Variants in UNC5D observed in about 807,000 individuals in gnomAD.
The protein encoded by UNC5D is unc-5 netrin receptor D.
UNC5D carries 39 observed loss-of-function variants against 105.4 expected under a neutral mutation model. The observed-to-expected ratio is 0.37, with a 90% confidence interval of 0.29 to 0.48. The LOEUF (loss-of-function observed/expected upper bound fraction) is 0.48. Among genes scored for constraint, UNC5D ranks in the 20% least tolerant of loss-of-function variants. UNC5D has a pLI of 0.98. For synonymous variants in UNC5D, 452 were observed against 450.4 expected (o/e 1.00, Z -0.04); for missense variants, 991 against 1,202.4 (o/e 0.82, Z 2.60).
intron 1 of UNC5D, among the ~76,000 whole-genome samples, chr8:35,365,822 G>A (rs1802089263): frequency 6.6e-6 from 1 of 152,036 alleles, no homozygotes; most frequent in Non-Finnish European, 1.5e-5. Flanking sequence ...TGCTTTGAGT[G>A]CATCTTATTA....
rs76614532 is a variant in UNC5D at position 35,281,142 on chromosome 8, C to T, written c.103+45255C>T. On this transcript the variant is annotated intron_variant, in intron 1 of 16. Transcript: ENST00000404895. ...TCACATTTCTGTGTATCCGTCTCCCCGTGGGCAAACTCCTCTCTATACTGA... is the reference window on the plus strand; with the variant it reads ...TCACATTTCTGTGTATCCGTCTCCCTGTGGGCAAACTCCTCTCTATACTGA... Among the ~76,000 whole-genome samples the T allele has an allele frequency of 3.8e-3, 573 of 152,228 alleles. 5 individuals carry two copies. Among genetic ancestry groups the T allele is most frequent in the African/African-American group, 0.014 (561 of 41,548 alleles).
At chr8:35,539,306 C>A (rs912707375) in intron 1 of UNC5D, among the ~76,000 whole-genome samples, 1 of 151,940 alleles carries the variant, frequency 6.6e-6, no homozygotes, top group Non-Finnish European at 1.5e-5. Flanking sequence ...TTAGTATAAA[C>A]CATAATTTTC....
At position 35,684,556 on chromosome 8, in the gene UNC5D, C is replaced by T. The variant is rs1433016825; in HGVS notation, c.752-26C>T. On this transcript the variant is annotated intron_variant, in intron 5 of 16. Transcript: ENST00000404895. ...CAGTAAAAACCTCTCTCCTTTTTTT[C>T]TCCCCTCCCCATTTTTCTCTCTCAG... is the stretch of plus-strand genomic sequence containing the variant. 15 of 1,594,946 alleles carry T rather than the reference C, an allele frequency of 9.4e-6. No homozygotes were observed. The Admixed American group carries it at 1.3e-4, about 13-fold the overall frequency.
rs1186085025 is a variant in UNC5D, at chr8:35,594,311, T to C, written c.467-1243T>C. 3.3e-5 allele frequency among the ~76,000 whole-genome samples: 5 copies of C among 152,242 alleles called. No individual in the cohort carries two copies. The East Asian group carries it at 7.7e-4, about 23-fold the overall frequency. ...CATGGCTTGCCGTGCTTGTTATTCA[T>C]TGAGTGTTTTTGACTTGCTAAAGGC... is the stretch of plus-strand genomic sequence containing the variant. On this transcript the variant is annotated intron_variant, in intron 3 of 16. Transcript: ENST00000404895.
chr8:35,239,930 CTCTTTTCTTT>C (rs755482493), intron 1 of UNC5D, among the ~76,000 whole-genome samples: 37 of 147,430 alleles, frequency 2.5e-4, no homozygotes, highest in Non-Finnish European at 4.4e-4. Flanking sequence ...TTTCTCTTTT[CTCTTTTCTTT>C]TCTTTTCTTT....
At chr8:35,701,369 T>C (rs1449755504) in intron 7 of UNC5D, among the ~76,000 whole-genome samples, 1 of 152,206 alleles carries the variant, frequency 6.6e-6, no homozygotes, top group Non-Finnish European at 1.5e-5. Flanking sequence ...TGAACCCTTC[T>C]GTCCACATGT....
chr8:35,707,318 C>T (rs1827646151), intron 8 of UNC5D, among the ~76,000 whole-genome samples: 1 of 152,102 alleles, frequency 6.6e-6, no homozygotes, highest in Non-Finnish European at 1.5e-5. Flanking sequence ...TTTGGGAAAA[C>T]AGCAAAAATA....
intron 1 of UNC5D, among the ~76,000 whole-genome samples, chr8:35,357,846 C>G (rs993878059): frequency 6.6e-6 from 1 of 152,122 alleles, no homozygotes; most frequent in Admixed American, 6.6e-5. Context: ...CTTTTGCTGA[C>G]TAGAAGCTAT....
chr8:35,677,296 T>G (rs1586404417), intron 4 of UNC5D, among the ~76,000 whole-genome samples: 1 of 152,204 alleles, frequency 6.6e-6, no homozygotes, highest in East Asian at 1.9e-4. Flanking sequence ...AATGCCACAT[T>G]TTTTAAGAAA....
At chr8:35,353,413 G>T (rs1039155989) in intron 1 of UNC5D, among the ~76,000 whole-genome samples, 1 of 152,196 alleles carries the variant, frequency 6.6e-6, no homozygotes, top group African/African-American at 2.4e-5. Flanking sequence ...CTGTTGTCGT[G>T]TCGGTGGATA....
intron 1 of UNC5D, among the ~76,000 whole-genome samples, chr8:35,271,702 T>G (rs1805382741): frequency 1.4e-5 from 1 of 69,496 alleles, no homozygotes; most frequent in Non-Finnish European, 3.0e-5. Flanking sequence ...TATACATGTA[T>G]ACATATATAT....
Position 35,358,335 on chromosome 8 carries a change from G to A in UNC5D, c.103+122448G>A, listed in dbSNP as rs185093032. Reference sequence around the variant, plus strand: ...TGCAGCCCTAAAAAGGAATGAGATCGTGTCCTTTGCAGGGACATGGATGAG... The same window carrying A: ...TGCAGCCCTAAAAAGGAATGAGATCATGTCCTTTGCAGGGACATGGATGAG... On this transcript the variant is annotated intron_variant, in intron 1 of 16. Coordinates refer to ENST00000404895, the MANE Select transcript of UNC5D (RefSeq NM_080872.4). Among the ~76,000 whole-genome samples the A allele has an allele frequency of 4.2e-4, 64 of 152,206 alleles. No individual in the cohort carries two copies. In the South Asian group the frequency reaches 5.0e-3, roughly 12 times the overall value.
At chr8:35,395,143 T>C (rs1804018837) in intron 1 of UNC5D, among the ~76,000 whole-genome samples, 1 of 152,214 alleles carries the variant, frequency 6.6e-6, no homozygotes, top group Non-Finnish European at 1.5e-5. Flanking sequence ...TGTTAAGTGC[T>C]TTGGGAACTT....
intron 16 of UNC5D, among the ~76,000 whole-genome samples, chr8:35,789,188 T>TATATATAA (rs56240820): frequency 6.0e-5 from 6 of 99,910 alleles, no homozygotes; most frequent in South Asian, 3.3e-4. Context: ...TATATATATA[T>TATATATAA]GAGATAGGGA....
chr8:35,511,447 A>C (rs941125775), intron 1 of UNC5D, among the ~76,000 whole-genome samples: 1 of 149,738 alleles, frequency 6.7e-6, no homozygotes, highest in Admixed American at 6.7e-5. Context: ...CAGCCTGACC[A>C]ATGTAGAGAG....
At chr8:35,546,251 C>T (rs2053340) in intron 1 of UNC5D, among the ~76,000 whole-genome samples, 22,681 of 152,052 alleles carry the variant, frequency 0.15, 2,139 homozygotes, top group Admixed American at 0.25. Flanking sequence ...TACCCTCAGG[C>T]TTGTCCATTC....
At chr8:35,629,013 A>G (rs546298104) in intron 4 of UNC5D, among the ~76,000 whole-genome samples, 1 of 152,148 alleles carries the variant, frequency 6.6e-6, no homozygotes, top group Admixed American at 6.5e-5. Flanking sequence ...TCTTTGATGC[A>G]GAGGAGGGGA....
chr8:35,533,682 T>A (rs1012650226), intron 1 of UNC5D, among the ~76,000 whole-genome samples: 2 of 152,206 alleles, frequency 1.3e-5, no homozygotes, highest in Non-Finnish European at 2.9e-5. Context: ...CAGACTGCTG[T>A]GCTAGCAATC....
chr8:35,462,061 G>C (rs1808931726), intron 1 of UNC5D, among the ~76,000 whole-genome samples: 1 of 152,036 alleles, frequency 6.6e-6, no homozygotes, highest in Non-Finnish European at 1.5e-5. Context: ...CTAGTGCTTA[G>C]AAAAGATTAT....
Sources: allele counts gnomAD v4.1 joint callset (sites outside exome capture counted in the v4.1 genomes callset), GRCh38; gene constraint gnomAD v4.1.1; transcripts MANE v1.5; gene names NCBI Gene and HGNC (gene_info 2026-07-23, HGNC 2026-07-21).